CCN4: variants seen among roughly 807,000 people sequenced by gnomAD.
CCN4 encodes the protein cellular communication network factor 4.
CCN4 carries 30 observed loss-of-function variants against 36.7 expected under a neutral mutation model. That is an observed-to-expected ratio of 0.82 (90% CI 0.61 to 1.11). The LOEUF is 1.11. Among genes scored for constraint, CCN4 ranks in the 50% least tolerant of loss-of-function variants. The probability of loss-of-function intolerance (pLI) is 0.00; values close to 1 mark genes in which losing one functional copy is unlikely to be tolerated. For missense variants in CCN4, 505 were observed against 504.9 expected (o/e 1.00, Z 0.00); for synonymous variants, 191 against 195.4 (o/e 0.98, Z 0.19).
At chr8:133,197,382 G>A (rs1213744704) in intron 1 of CCN4, among the ~76,000 whole-genome samples, 1 of 152,060 alleles carries the variant, frequency 6.6e-6, no homozygotes, top group Non-Finnish European at 1.5e-5. Flanking sequence ...CATGGGAGAT[G>A]GTGAAAAACA....
chr8:133,212,772 C>A, intron 1 of CCN4, 92 bp from the exon 2 acceptor site: 1 of 970,612 alleles, frequency 1.0e-6, no homozygotes, highest in Non-Finnish European at 1.5e-6. Context: ...ACCTTTTGAA[C>A]AGCATGAGGA....
intron 2 of CCN4, among the ~76,000 whole-genome samples, chr8:133,215,956 CAGAT>C (rs1317959166): frequency 3.3e-5 from 5 of 151,856 alleles, no homozygotes; most frequent in Non-Finnish European, 5.9e-5. Flanking sequence ...TTTTTTCAGT[CAGAT>C]AGTTCCTTAC....
intron 4 of CCN4, among the ~76,000 whole-genome samples, chr8:133,227,023 A>G (rs1854761469): frequency 6.6e-6 from 1 of 152,170 alleles, no homozygotes; most frequent in Non-Finnish European, 1.5e-5. Context: ...GTGTCCCCTG[A>G]GTGTGGAGTC....
At chr8:133,215,457 T>G (rs6471115) in intron 2 of CCN4, among the ~76,000 whole-genome samples, 77,146 of 152,028 alleles carry the variant, frequency 0.51, 20,145 homozygotes, top group Middle Eastern at 0.61. Flanking sequence ...AGATACTTCT[T>G]TTCACTACCA....
rs147507892 is a variant in CCN4 at position 133,205,057 on chromosome 8, C to T, written c.70-7807C>T. Among the ~76,000 whole-genome samples the T allele has an allele frequency of 2.7e-3, 410 of 152,198 alleles. 4 individuals carry two copies. Among genetic ancestry groups the T allele is most frequent in the African/African-American group, 9.2e-3 (381 of 41,524 alleles). On this transcript the variant is annotated intron_variant, in intron 1 of 4. Coordinates refer to ENST00000250160, the MANE Select transcript of CCN4 (RefSeq NM_003882.4). The stretch of plus-strand genomic sequence containing the variant: ...AATCATCATCATAGTACCTGGGTAG[C>T]TAGGAGGGGTTGCTGAGGAGGGAGG...
chr8:133,204,824 G>A (rs1489312562), intron 1 of CCN4, among the ~76,000 whole-genome samples: 1 of 152,220 alleles, frequency 6.6e-6, no homozygotes, highest in East Asian at 1.9e-4. Flanking sequence ...CCAAACAGCT[G>A]GGATTACAGG....
chr8:133,212,729 CAAAAGCGTGATAG>C, intron 1 of CCN4, 122 bp from the exon 2 acceptor site: 1 of 730,868 alleles, frequency 1.4e-6, no homozygotes, highest in Non-Finnish European at 2.2e-6. Flanking sequence ...GTTTGGCTAT[CAAAAGCGTGATAG>C]AAAAAATAAT....
intron 2 of CCN4, 129 bp downstream of exon 2, chr8:133,213,272 A>C: frequency 7.0e-6 from 8 of 1,150,926 alleles, no homozygotes; most frequent in Non-Finnish European, 9.8e-6. Flanking sequence ...GATACACCCC[A>C]TGATCAGAGG....
At chr8:133,214,338 C>A (rs1275681448) in intron 2 of CCN4, among the ~76,000 whole-genome samples, 2 of 151,488 alleles carry the variant, frequency 1.3e-5, no homozygotes, top group African/African-American at 4.9e-5. Flanking sequence ...ATTATACAAT[C>A]ATCAGTACTT....
At chr8:133,210,221 G>A (rs1015043432) in intron 1 of CCN4, among the ~76,000 whole-genome samples, 2 of 152,170 alleles carry the variant, frequency 1.3e-5, no homozygotes, top group African/African-American at 2.4e-5. Flanking sequence ...GCGAGGTAAG[G>A]GCAGGGAAGC....
At chr8:133,194,363 G>C (rs1466242787) in intron 1 of CCN4, among the ~76,000 whole-genome samples, 1 of 109,220 alleles carries the variant, frequency 9.2e-6, no homozygotes, top group Non-Finnish European at 1.9e-5. Flanking sequence ...GTGGTGTGTG[G>C]GGGTGTGTGT....
At chr8:133,217,707 A>C (rs1854370103) in intron 2 of CCN4, among the ~76,000 whole-genome samples, 1 of 152,068 alleles carries the variant, frequency 6.6e-6, no homozygotes, top group Non-Finnish European at 1.5e-5. Context: ...AACTTTTAAA[A>C]TACGGAGATC....
intron 1 of CCN4, among the ~76,000 whole-genome samples, chr8:133,199,235 A>G (rs1853498014): frequency 6.6e-6 from 1 of 152,248 alleles, no homozygotes; most frequent in Non-Finnish European, 1.5e-5. Context: ...CTCTGCCTGC[A>G]TCTCTGAGCC....
At chr8:133,199,038 G>A (rs1853489602) in intron 1 of CCN4, among the ~76,000 whole-genome samples, 1 of 152,254 alleles carries the variant, frequency 6.6e-6, no homozygotes, top group African/African-American at 2.4e-5. Context: ...GGAGATGGGG[G>A]AGGCTGGGAG....
chr8:133,223,084 G>T (rs1343772401), intron 3 of CCN4, among the ~76,000 whole-genome samples: 2 of 152,062 alleles, frequency 1.3e-5, no homozygotes, highest in African/African-American at 2.4e-5. Flanking sequence ...AGACAAAATT[G>T]CTCGGTGGAG....
At chr8:133,224,744 G>A (rs1483388331) in intron 3 of CCN4, among the ~76,000 whole-genome samples, 1 of 151,982 alleles carries the variant, frequency 6.6e-6, no homozygotes, top group Non-Finnish European at 1.5e-5. Context: ...AGACCAGCCT[G>A]ACCAACATGG....
chr8:133,222,042 G>A (rs1458475699), intron 3 of CCN4, among the ~76,000 whole-genome samples: 1 of 151,838 alleles, frequency 6.6e-6, no homozygotes, highest in African/African-American at 2.4e-5. Context: ...TGAATAGGTA[G>A]ATAGATGTAT....
rs1854120495 is a variant in CCN4, at chr8:133,213,057, C to A, written c.263C>A (p.Thr88Lys). The change falls in exon 2 of 5, where the codon ACG becomes AAG. Residue 88 changes from threonine to lysine, a missense_variant. Physicochemically the swap from Thr to Lys is moderately conservative, Grantham distance 78. Coordinates refer to ENST00000250160, the MANE Select transcript of CCN4 (RefSeq NM_003882.4). Reference sequence around the variant, plus strand: ...GCTCAGCAGCTTGGGGACAACTGCACGGAGGCTGCCATCTGTGACCCCCAC... The same window carrying A: ...GCTCAGCAGCTTGGGGACAACTGCAAGGAGGCTGCCATCTGTGACCCCCAC... Reference protein sequence around the residue: ...MCAQQLGDNCTEAAICDPHRG... With the variant: ...MCAQQLGDNCKEAAICDPHRG... 1 of 1,614,142 alleles carries A rather than the reference C, an allele frequency of 6.2e-7. No homozygotes were observed. Among genetic ancestry groups the A allele is most frequent in the Non-Finnish European group, 8.5e-7 (1 of 1,179,974 alleles).
intron 1 of CCN4, among the ~76,000 whole-genome samples, chr8:133,194,410 ATTTGTGTG>A (rs1853243189): frequency 3.1e-5 from 1 of 31,944 alleles, no homozygotes; most frequent in Non-Finnish European, 5.6e-5. Context: ...GTGTGTGTGG[ATTTGTGTG>A]GTGTGTGTGT....
Sources: allele counts gnomAD v4.1 joint callset (sites outside exome capture counted in the v4.1 genomes callset), GRCh38; gene constraint gnomAD v4.1.1; transcripts MANE v1.5; gene names NCBI Gene and HGNC (gene_info 2026-07-23, HGNC 2026-07-21).